The following RALGAPA2 variants were observed in gnomAD, a reference collection of about 807,000 sequenced individuals.
The protein encoded by RALGAPA2 is ral GTPase-activating protein subunit alpha-2.
Under a neutral mutation model 230.4 loss-of-function variants are expected in RALGAPA2, and 139 were observed. The observed-to-expected ratio is 0.60, with a 90% CI of 0.53 to 0.69. RALGAPA2 has a LOEUF of 0.69. RALGAPA2 is among the 30% of genes least tolerant of loss of function. The pLI is 0.00. For synonymous variants in RALGAPA2, 847 were observed against 837.8 expected, an observed-to-expected ratio of 1.01 and a Z score of -0.19; for missense variants, 2,163 against 2,276.0, an observed-to-expected ratio of 0.95 and a Z score of 1.01.
rs533283413 is a variant in RALGAPA2, at chr20:20,394,999, C to T, written c.*35+1696G>A. Among the ~76,000 whole-genome samples the T allele has an allele frequency of 3.3e-5, 5 of 152,158 alleles. No homozygotes were observed. The South Asian group carries it at 1.0e-3, about 32-fold the overall frequency. On this transcript the variant is annotated intron_variant, in intron 39 of 39. Coordinates refer to ENST00000202677, the MANE Select transcript of RALGAPA2 (RefSeq NM_020343.4). ...GATTCGAAGGAAAACATTTTAGTTC[C>T]TCTGCCCCACCCACTCACCCAGGGA...
At chr20:20,621,372 C>T (rs1444085939) in intron 10 of RALGAPA2, among the ~76,000 whole-genome samples, 5 of 152,062 alleles carry the variant, frequency 3.3e-5, no homozygotes, top group Non-Finnish European at 7.4e-5. Flanking sequence ...TCCATGTTCA[C>T]TGATGTCATG....
At chr20:20,692,131 ACTT>A (rs963421618) in intron 1 of RALGAPA2, among the ~76,000 whole-genome samples, 1 of 152,024 alleles carries the variant, frequency 6.6e-6, no homozygotes, top group African/African-American at 2.4e-5. Flanking sequence ...AGCCAAATAA[ACTT>A]CTTTTCTTTA....
At chr20:20,464,130 C>G (rs2061363458) in intron 37 of RALGAPA2, among the ~76,000 whole-genome samples, 1 of 152,214 alleles carries the variant, frequency 6.6e-6, no homozygotes, top group South Asian at 2.1e-4. Context: ...GCAACAGACC[C>G]TAGTGCTTCC....
chr20:20,395,083 AG>A (rs1219090599), intron 39 of RALGAPA2, among the ~76,000 whole-genome samples: 2 of 152,206 alleles, frequency 1.3e-5, no homozygotes, highest in African/African-American at 2.4e-5. Context: ...GAGGAATGCC[AG>A]CTTTGTCCCG....
intron 38 of RALGAPA2, among the ~76,000 whole-genome samples, chr20:20,411,266 T>C (rs2060054196): frequency 6.6e-6 from 1 of 152,190 alleles, no homozygotes; most frequent in Admixed American, 6.5e-5. Flanking sequence ...TCTGTAATTA[T>C]ATGCAGAAAT....
In RALGAPA2 at chr20:20,637,461, G is replaced by C. The variant is rs375057883; in HGVS notation, c.707C>G (p.Thr236Ser). ...LEWKNKENQD[T>S]GFKFLFTLFR... ...CAATGTAAAAAGAAATTTAAAACCAGTATCTTGATTCTCCTTATTCTTCCA... is the reference window on the plus strand; with the variant it reads ...CAATGTAAAAAGAAATTTAAAACCACTATCTTGATTCTCCTTATTCTTCCA... Residue 236 changes from threonine (T) to serine (S), a missense_variant, in exon 8 of 40, where the codon ACT (threonine) becomes AGT (serine). Physicochemically the swap from Thr to Ser is moderately conservative, Grantham distance 58. Transcript: ENST00000202677. The C allele has an allele frequency of 2.6e-5, 41 of 1,571,452 alleles. No individual in the cohort carries two copies. Among genetic ancestry groups the C allele is most frequent in the Non-Finnish European group, 3.3e-5 (38 of 1,156,300 alleles).
At position 20,703,235 on chromosome 20, in the gene RALGAPA2, T is replaced by C. The variant is rs557315837; in HGVS notation, c.106+9140A>G. On this transcript the variant is annotated intron_variant, in intron 1 of 39. Coordinates refer to ENST00000202677, the MANE Select transcript of RALGAPA2 (RefSeq NM_020343.4). ...TGTGGCTTCAGTTTCTAAAACAACATAAAAGACATAAAATGGTTATGAAAC... is the reference window on the plus strand; with the variant it reads ...TGTGGCTTCAGTTTCTAAAACAACACAAAAGACATAAAATGGTTATGAAAC... 2.6e-5 allele frequency among the ~76,000 whole-genome samples: 4 copies of C among 152,104 alleles called. No homozygotes were observed. In the South Asian group the frequency reaches 8.3e-4, roughly 32 times the overall value.
intron 38 of RALGAPA2, 110 bp downstream of exon 38, chr20:20,411,917 G>T: frequency 7.2e-7 from 1 of 1,390,122 alleles, no homozygotes. Context: ...TGATTCAGAG[G>T]GAGAATGCTC....
At position 20,440,298 on chromosome 20, in the gene RALGAPA2, C is replaced by T. The variant is rs938552243; in HGVS notation, c.5496-28150G>A. On this transcript the variant is annotated intron_variant, in intron 37 of 39. Transcript: ENST00000202677. ...CAAAATAAAGTTTTTTGTATGGTGA[C>T]GACTTGGAATTTTGCTTCAAAACAG... Among the ~76,000 whole-genome samples, 9 of 152,104 alleles carry T rather than the reference C, an allele frequency of 5.9e-5. No homozygotes were observed. In the South Asian group the frequency reaches 6.2e-4, roughly 11 times the overall value.
chr20:20,483,542 C>T (rs550936405), intron 36 of RALGAPA2, among the ~76,000 whole-genome samples: 2 of 152,208 alleles, frequency 1.3e-5, no homozygotes, highest in South Asian at 2.1e-4. Flanking sequence ...GGCATCAGGA[C>T]CATCCATCAA....
chr20:20,550,497 T>C (rs1194732060), intron 23 of RALGAPA2, among the ~76,000 whole-genome samples: 1 of 152,160 alleles, frequency 6.6e-6, no homozygotes, highest in Non-Finnish European at 1.5e-5. Context: ...CCAGCTGGCC[T>C]ACCTAACAGT....
chr20:20,527,947 C>T (rs146960933), intron 27 of RALGAPA2, among the ~76,000 whole-genome samples: 11 of 152,164 alleles, frequency 7.2e-5, no homozygotes, highest in South Asian at 4.2e-4. Context: ...GGGAAAATTA[C>T]GAGAGCCCAC....
Position 20,503,464 on chromosome 20 carries a change from G to A in RALGAPA2, c.5095C>T (p.Arg1699Cys), listed in dbSNP as rs765959881. Reference sequence around the variant, plus strand: ...GCCGTCTGCCCGGTGCTGCCATTGCGCTGAAGGCCACCCATGAACCCACAG... The same window carrying A: ...GCCGTCTGCCCGGTGCTGCCATTGCACTGAAGGCCACCCATGAACCCACAG... ...THCGFMGGLQ[R>C]NGSTGQTAPY... Residue 1699 changes from arginine to cysteine, a missense_variant, in exon 35 of 40, where the codon CGC (arginine) becomes TGC (cysteine). By Grantham distance (180) the Arg-to-Cys change is radical. Transcript: ENST00000202677. 9 of 1,604,226 alleles carry A rather than the reference G, an allele frequency of 5.6e-6. No individual in the cohort carries two copies. Among genetic ancestry groups the A allele is most frequent in the East Asian group, 2.3e-5 (1 of 43,704 alleles).
At chr20:20,672,444 G>C (rs1272274930) in intron 3 of RALGAPA2, among the ~76,000 whole-genome samples, 1 of 152,098 alleles carries the variant, frequency 6.6e-6, no homozygotes, top group African/African-American at 2.4e-5. Context: ...AAATGAACGA[G>C]GATCAAGAGA....
intron 36 of RALGAPA2, among the ~76,000 whole-genome samples, chr20:20,476,413 T>C (rs2061650262): frequency 6.6e-6 from 1 of 151,856 alleles, no homozygotes; most frequent in South Asian, 2.1e-4. Flanking sequence ...CATACCTACA[T>C]GGTAATTGAT....
chr20:20,520,881 C>A, intron 31 of RALGAPA2, 36 bp downstream of exon 31: 1 of 1,477,806 alleles, frequency 6.8e-7, no homozygotes, highest in Non-Finnish European at 9.1e-7. Context: ...CTTCCTTTTC[C>A]TTCCCACAAG....
intron 23 of RALGAPA2, among the ~76,000 whole-genome samples, chr20:20,561,752 TTA>T (rs1276201920): frequency 1.3e-5 from 2 of 152,202 alleles, no homozygotes; most frequent in African/African-American, 4.8e-5. Context: ...GTCATTTAAT[TTA>T]TATTACCTAG....
At chr20:20,652,396 T>C (rs2067430150) in intron 4 of RALGAPA2, among the ~76,000 whole-genome samples, 1 of 152,232 alleles carries the variant, frequency 6.6e-6, no homozygotes, top group Non-Finnish European at 1.5e-5. Flanking sequence ...TCTTTTTTGT[T>C]ATCATCATAC....
chr20:20,485,777 AT>A (rs1346336575), intron 36 of RALGAPA2, among the ~76,000 whole-genome samples: 1 of 152,174 alleles, frequency 6.6e-6, no homozygotes, highest in Non-Finnish European at 1.5e-5. Flanking sequence ...ATTCATCCAT[AT>A]GCTATAAGCA....
Sources: gnomAD v4.1 joint callset for allele counts (sites outside exome capture counted in the v4.1 genomes callset) on GRCh38, gnomAD v4.1.1 for gene constraint, MANE v1.5 for transcripts, NCBI Gene and HGNC (gene_info 2026-07-23, HGNC 2026-07-21) for gene names.